The following SDHAF3 variants were observed in gnomAD, a reference collection of about 807,000 sequenced individuals.
SDHAF3 encodes succinate dehydrogenase complex assembly factor 3, also known as succinate dehydrogenase assembly factor 3, mitochondrial.
Under a neutral mutation model 11.5 loss-of-function variants are expected in SDHAF3, and 18 were observed. The observed-to-expected ratio is 1.56, with a 90% CI of 1.08 to 2.32. The LOEUF (loss-of-function observed/expected upper bound fraction) is 2.32, where lower values mean the gene tolerates loss of function less well. Ranked by LOEUF, SDHAF3 falls within the 30% of genes most tolerant of loss-of-function variation. SDHAF3 has a pLI of 0.00. For synonymous variants in SDHAF3, 72 were observed against 59.3 expected (o/e 1.21, Z -0.99); for missense variants, 200 against 154.4 (o/e 1.30, Z -1.57).
intron 1 of SDHAF3, among the ~76,000 whole-genome samples, chr7:97,165,114 C>T (rs1789481309): frequency 6.6e-6 from 1 of 152,014 alleles, no homozygotes; most frequent in Non-Finnish European, 1.5e-5. Flanking sequence ...GAAACCCCAT[C>T]TCTACTAAAA....
At chr7:97,177,735 T>A (rs148024426) in intron 1 of SDHAF3, among the ~76,000 whole-genome samples, 1 of 152,336 alleles carries the variant, frequency 6.6e-6, no homozygotes, top group South Asian at 2.1e-4. Context: ...ATTTAAAAAA[T>A]TCCAGATAGT....
At chr7:97,157,329 A>G (rs1320748893) in intron 1 of SDHAF3, among the ~76,000 whole-genome samples, 2 of 152,168 alleles carry the variant, frequency 1.3e-5, no homozygotes, top group Non-Finnish European at 2.9e-5. Flanking sequence ...CCTGACAAAC[A>G]AGGTGGGTTG....
At chr7:97,146,264 T>C (rs1789132466) in intron 1 of SDHAF3, among the ~76,000 whole-genome samples, 1 of 152,206 alleles carries the variant, frequency 6.6e-6, no homozygotes, top group Non-Finnish European at 1.5e-5. Flanking sequence ...GGTTGTATAA[T>C]TTGTTGTCAA....
chr7:97,159,559 C>T (rs1789366309), intron 1 of SDHAF3, among the ~76,000 whole-genome samples: 1 of 152,182 alleles, frequency 6.6e-6, no homozygotes, highest in Admixed American at 6.6e-5. Context: ...TCCCTTTGAG[C>T]TTGTCCTCCA....
At chr7:97,149,307 A>G (rs1475494448) in intron 1 of SDHAF3, among the ~76,000 whole-genome samples, 1 of 151,974 alleles carries the variant, frequency 6.6e-6, no homozygotes, top group Non-Finnish European at 1.5e-5. Context: ...TTTATTATCA[A>G]CTGGTTTTTA....
rs141445271 is a variant in SDHAF3, at chr7:97,156,534, A to G, written c.175-24478A>G. Among the ~76,000 whole-genome samples the G allele has an allele frequency of 1.2e-3, 187 of 152,312 alleles. 1 individual carries two copies. Among genetic ancestry groups the G allele is most frequent in the Admixed American group, 3.2e-3 (49 of 15,300 alleles). ...AAGTTATCTGTCCATTTTAGGGGTT[A>G]GTTTAATTAAACTAGATAATATAAA... On this transcript the variant is annotated intron_variant, in intron 1 of 1. Coordinates refer to ENST00000432641, the MANE Select transcript of SDHAF3 (RefSeq NM_020186.3).
intron 1 of SDHAF3, chr7:97,136,479 C>A: frequency 1.6e-6 from 1 of 625,902 alleles, no homozygotes; most frequent in South Asian, 1.8e-5. Context: ...TAAGTAAGAC[C>A]TGCCAGATTA....
chr7:97,152,268 A>T (rs1018898625), intron 1 of SDHAF3, among the ~76,000 whole-genome samples: 1 of 152,178 alleles, frequency 6.6e-6, no homozygotes, highest in African/African-American at 2.4e-5. Flanking sequence ...GAGCCAACTA[A>T]ATTGGAGACT....
chr7:97,122,980 T>G (rs74688374), intron 1 of SDHAF3, among the ~76,000 whole-genome samples: 2 of 152,166 alleles, frequency 1.3e-5, no homozygotes, highest in Non-Finnish European at 2.9e-5. Flanking sequence ...AGTACTTTTT[T>G]ACTTTTTAAA....
intron 1 of SDHAF3, among the ~76,000 whole-genome samples, chr7:97,155,630 A>G (rs1288387705): frequency 6.6e-6 from 1 of 152,198 alleles, no homozygotes; most frequent in Non-Finnish European, 1.5e-5. Flanking sequence ...CTAAATTATA[A>G]GCTGCTTTAA....
At chr7:97,160,816 A>G (rs1028378252) in intron 1 of SDHAF3, among the ~76,000 whole-genome samples, 2 of 152,212 alleles carry the variant, frequency 1.3e-5, no homozygotes. Context: ...GCTTTGGAGA[A>G]CAGTCAGTGT....
rs138782860 is a variant in SDHAF3 at position 97,170,066 on chromosome 7, A to ATAAG, written c.175-10944_175-10941dup. On this transcript the variant is annotated intron_variant, in intron 1 of 1. Coordinates refer to ENST00000432641, the MANE Select transcript of SDHAF3 (RefSeq NM_020186.3). ...AACCCATCCTCACCTCCATTGAGGT[A>ATAAG]TAAGTGAGTAAGGTAAGGAGTTGGC... is the stretch of plus-strand genomic sequence containing the variant. Among the ~76,000 whole-genome samples, 1,411 of 151,842 alleles carry ATAAG rather than the reference A, an allele frequency of 9.3e-3. 20 individuals carry two copies. Among genetic ancestry groups the ATAAG allele is most frequent in the African/African-American group, 0.032 (1,322 of 41,486 alleles).
chr7:97,176,659 G>GT (rs1562832885), intron 1 of SDHAF3, among the ~76,000 whole-genome samples: 1 of 152,000 alleles, frequency 6.6e-6, no homozygotes. Context: ...GAAAGGTTGG[G>GT]TTTTTTTGTT....
intron 1 of SDHAF3, among the ~76,000 whole-genome samples, chr7:97,128,046 G>A (rs541187155): frequency 4.0e-5 from 6 of 151,700 alleles, no homozygotes; most frequent in South Asian, 4.2e-4. Flanking sequence ...GATTACAGGC[G>A]TCCACCACAT....
intron 1 of SDHAF3, among the ~76,000 whole-genome samples, chr7:97,124,975 G>A (rs1433472740): frequency 6.6e-6 from 1 of 152,068 alleles, no homozygotes; most frequent in African/African-American, 2.4e-5. Context: ...ATTTGAATAC[G>A]TTTTATTTTT....
At chr7:97,171,863 A>C (rs1231639731) in intron 1 of SDHAF3, among the ~76,000 whole-genome samples, 1 of 152,260 alleles carries the variant, frequency 6.6e-6, no homozygotes, top group African/African-American at 2.4e-5. Flanking sequence ...TAAACAAAAT[A>C]ATGAGAACTT....
intron 1 of SDHAF3, among the ~76,000 whole-genome samples, chr7:97,177,453 G>T (rs1789696634): frequency 6.6e-6 from 1 of 152,028 alleles, no homozygotes; most frequent in African/African-American, 2.4e-5. Flanking sequence ...AGTGAGCCGA[G>T]ATCGCGCCAC....
intron 1 of SDHAF3, among the ~76,000 whole-genome samples, chr7:97,169,759 T>A (rs1002281089): frequency 6.6e-6 from 1 of 152,076 alleles, no homozygotes; most frequent in Non-Finnish European, 1.5e-5. Flanking sequence ...AAGAAAAAAT[T>A]ATAGTTTTGA....
intron 1 of SDHAF3, among the ~76,000 whole-genome samples, chr7:97,151,685 G>C (rs755409210): frequency 6.6e-6 from 1 of 152,004 alleles, no homozygotes; most frequent in Non-Finnish European, 1.5e-5. Flanking sequence ...ATTTTTAGTA[G>C]AGACGGGGTT....
Sources: allele counts gnomAD v4.1 joint callset (sites outside exome capture counted in the v4.1 genomes callset), GRCh38; gene constraint gnomAD v4.1.1; transcripts MANE v1.5; gene names NCBI Gene and HGNC (gene_info 2026-07-23, HGNC 2026-07-21).